Variants in ABCD2 observed in about 807,000 individuals in gnomAD.
The protein encoded by ABCD2 is ATP-binding cassette sub-family D member 2.
A neutral mutation model predicts 70.9 loss-of-function variants in ABCD2; 36 were observed. The observed-to-expected ratio is 0.51, with a 90% confidence interval of 0.39 to 0.67. The LOEUF (loss-of-function observed/expected upper bound fraction) is 0.67. Among genes scored for constraint, ABCD2 ranks in the 30% least tolerant of loss-of-function variants. The pLI is 0.00. For missense variants in ABCD2, 729 were observed against 890.2 expected (o/e 0.82, Z 2.30); for synonymous variants, 304 against 306.9 (o/e 0.99, Z 0.10).
At chr12:39,548,653 A>G (rs188230090), downstream of ABCD2, among the ~76,000 whole-genome samples, 7 of 151,884 alleles carry the variant, frequency 4.6e-5, no homozygotes, top group South Asian at 1.2e-3. Context: ...TGTAGGTCCA[A>G]TGCATTTTAA....
At chr12:39,567,816 GC>G (rs1941380027) in intron 9 of ABCD2, among the ~76,000 whole-genome samples, 1 of 152,152 alleles carries the variant, frequency 6.6e-6, no homozygotes, top group Non-Finnish European at 1.5e-5. Context: ...TTTAGGGCAG[GC>G]CTAGTGGTGA....
At chr12:39,578,617 C>T (rs1591979693) in intron 8 of ABCD2, among the ~76,000 whole-genome samples, 1 of 151,464 alleles carries the variant, frequency 6.6e-6, no homozygotes, top group East Asian at 2.0e-4. Context: ...TTTAATATTT[C>T]CTTCCCATGT....
rs191473930 is a variant in ABCD2 at position 39,579,294 on chromosome 12, G to A, written c.1877+241C>T. On this transcript the variant is annotated intron_variant, in intron 8 of 9. Coordinates refer to ENST00000308666, the MANE Select transcript of ABCD2 (RefSeq NM_005164.4). ...GGAGAATTGCTTGGGCCTGGGAGAC[G>A]GAGGTTGCAGTGAGCCAAGATCGTG... 3.9e-3 allele frequency among the ~76,000 whole-genome samples: 592 copies of A among 152,312 alleles called. 4 individuals are homozygous for A. Among genetic ancestry groups the A allele is most frequent in the African/African-American group, 7.2e-3 (300 of 41,578 alleles).
the ABCD2 span, among the ~76,000 whole-genome samples, chr12:39,533,975 A>C: frequency 6.6e-6 from 1 of 152,252 alleles, no homozygotes. Flanking sequence ...GGTGCATGTG[A>C]ATAGTGTGCT....
intron 6 of ABCD2, among the ~76,000 whole-genome samples, chr12:39,592,287 TA>T: frequency 6.6e-6 from 1 of 152,234 alleles, no homozygotes; most frequent in East Asian, 1.9e-4. Context: ...GACAGATATT[TA>T]TCCCCATCAT....
At chr12:39,600,438 G>T in intron 6 of ABCD2, 133 bp downstream of exon 6, 2 of 924,828 alleles carry the variant, frequency 2.2e-6, no homozygotes, top group Non-Finnish European at 1.6e-6. Context: ...TGGGCTAAGT[G>T]AATTTTTATT....
Position 39,554,074 on chromosome 12 carries a change from T to C in ABCD2, c.2061A>G (p.Gln687=), listed in dbSNP as rs1941126389. The change falls in exon 10 of 10, where the codon CAA becomes CAG. Residue 687 remains glutamine (Q), a synonymous_variant. Transcript: ENST00000308666. The part of the protein sequence containing the change: ...FDGEGGWRFE[Q]LDTAIRLTLS... ...ATGTCAAACGGATAGCAGTATCCAA[T>C]TGTTCAAAGCGCCAACCTCCTTCAC... 1 of 1,613,600 alleles carries C rather than the reference T, an allele frequency of 6.2e-7. No individual in the cohort carries two copies. The highest frequency in any genetic ancestry group is 1.1e-5 in the South Asian group (1 of 91,084).
intron 6 of ABCD2, among the ~76,000 whole-genome samples, chr12:39,587,516 G>T (rs759452466): frequency 2.0e-5 from 3 of 152,004 alleles, no homozygotes; most frequent in Non-Finnish European, 4.4e-5. Flanking sequence ...AAATCTTCCC[G>T]GTTGAGAACC....
intron 6 of ABCD2, among the ~76,000 whole-genome samples, chr12:39,593,991 G>A (rs560628738): frequency 2.0e-5 from 3 of 152,144 alleles, no homozygotes; most frequent in South Asian, 4.1e-4. Flanking sequence ...ATATCTGAAT[G>A]ATGGCCAAGT....
intron 2 of ABCD2, among the ~76,000 whole-genome samples, chr12:39,616,256 C>T (rs1271861306): frequency 6.6e-6 from 1 of 152,096 alleles, no homozygotes; most frequent in Non-Finnish European, 1.5e-5. Flanking sequence ...AATTAAGATC[C>T]AAGCTCCCAT....
the ABCD2 span, among the ~76,000 whole-genome samples, chr12:39,533,972 G>A: frequency 6.6e-6 from 1 of 152,252 alleles, no homozygotes; most frequent in African/African-American, 2.4e-5. Context: ...ATTGGTGCAT[G>A]TGAATAGTGT....
At position 39,565,999 on chromosome 12, in the gene ABCD2, A is replaced by G. The variant is rs567431176; in HGVS notation, c.2003+7717T>C. 2.6e-5 allele frequency among the ~76,000 whole-genome samples: 4 copies of G among 152,230 alleles called. No homozygotes were observed. In the South Asian group the frequency reaches 8.3e-4, roughly 32 times the overall value. On this transcript the variant is annotated intron_variant, in intron 9 of 9. Transcript: ENST00000308666. ...GAAGCCCACTTGATCATGGTGGATA[A>G]GCTTTTTGATGTGCTGCTGGATTTA...
the ABCD2 span, among the ~76,000 whole-genome samples, chr12:39,538,015 C>T: frequency 6.6e-6 from 1 of 152,098 alleles, no homozygotes; most frequent in Non-Finnish European, 1.5e-5. Context: ...TCACCTATGA[C>T]AGGAAATATC....
chr12:39,618,864 G>C lies in ABCD2; in HGVS notation c.752C>G (p.Ala251Gly). ...TAGTAGGGTGGGCCCAATTGGGCTT[G>C]CTCCTCTGGATGTAGCAGTTTGAAT... ...TLIQTATSRGASPIGPTLLAG... is the reference protein window; with the variant it reads ...TLIQTATSRGGSPIGPTLLAG... The change falls in exon 1 of 10, where the codon GCA becomes GGA. Residue 251 changes from alanine (A) to glycine (G), a missense_variant. Physicochemically the swap from Ala to Gly is moderately conservative, Grantham distance 60. This residue lies in a region of ABCD2 where 195 missense variants were observed against 300.2 expected (regional missense o/e 0.65). Coordinates refer to ENST00000308666, the MANE Select transcript of ABCD2 (RefSeq NM_005164.4). 1 of 1,614,230 alleles carries C rather than the reference G, an allele frequency of 6.2e-7. No homozygotes were observed. Among genetic ancestry groups the C allele is most frequent in the Non-Finnish European group, 8.5e-7 (1 of 1,180,044 alleles).
chr12:39,595,760 A>C (rs1304536615), intron 6 of ABCD2, among the ~76,000 whole-genome samples: 1 of 152,228 alleles, frequency 6.6e-6, no homozygotes, highest in Non-Finnish European at 1.5e-5. Flanking sequence ...TGAAAACAGG[A>C]AACAAAAAAT....
chr12:39,562,409 T>G (rs1443583605), intron 9 of ABCD2, among the ~76,000 whole-genome samples: 2 of 151,676 alleles, frequency 1.3e-5, no homozygotes, highest in African/African-American at 2.4e-5. Flanking sequence ...AATAATTGAT[T>G]TTTTCAAAGA....
At chr12:39,571,097 A>C (rs1171588603) in intron 9 of ABCD2, among the ~76,000 whole-genome samples, 1 of 152,186 alleles carries the variant, frequency 6.6e-6, no homozygotes, top group Non-Finnish European at 1.5e-5. Context: ...TGTGGAAAAA[A>C]GGGAACTCTT....
chr12:39,570,594 A>C (rs1251011709), intron 9 of ABCD2, among the ~76,000 whole-genome samples: 2 of 152,204 alleles, frequency 1.3e-5, no homozygotes, highest in Non-Finnish European at 2.9e-5. Context: ...AAATGGATTA[A>C]AGACTTCAAT....
chr12:39,610,632 C>T (rs192395938), intron 2 of ABCD2, among the ~76,000 whole-genome samples: 28 of 152,268 alleles, frequency 1.8e-4, no homozygotes, highest in African/African-American at 4.8e-4. Context: ...TAGTTTTCAT[C>T]GACAGCTTCT....
Sources: gnomAD v4.1 joint callset for allele counts (sites outside exome capture counted in the v4.1 genomes callset) on GRCh38, gnomAD v4.1.1 for gene constraint, gnomAD v4.1.1 regional missense constraint, MANE v1.5 for transcripts, NCBI Gene and HGNC (gene_info 2026-07-23, HGNC 2026-07-21) for gene names.